The following SAMD3 variants were observed in gnomAD, a reference collection of about 807,000 sequenced individuals.
SAMD3 encodes the protein sterile alpha motif domain-containing protein 3.
SAMD3 carries 63 observed loss-of-function variants against 58.5 expected under a neutral mutation model. The observed-to-expected ratio is 1.08, with a 90% CI of 0.88 to 1.33. The LOEUF (loss-of-function observed/expected upper bound fraction) is 1.33, where lower values mean the gene tolerates loss of function less well. Ranked by LOEUF, SAMD3 falls within the 40% of genes most tolerant of loss-of-function variation. SAMD3 has a pLI of 0.00. For synonymous variants in SAMD3, 220 were observed against 210.3 expected (o/e 1.05, Z -0.40); for missense variants, 604 against 608.4 (o/e 0.99, Z 0.08).
At chr6:130,154,715 AAAAATAT>A (rs1383492036) in intron 9 of SAMD3, 103 bp downstream of exon 9, 21 of 99,366 alleles carry the variant, frequency 2.1e-4, no homozygotes, top group African/African-American at 3.0e-4. Context: ...AAAAAAAAAA[AAAAATAT>A]ATATATATAT....
intron 1 of SAMD3, among the ~76,000 whole-genome samples, chr6:130,350,380 G>T (rs575901821): frequency 2.6e-5 from 4 of 152,120 alleles, no homozygotes; most frequent in African/African-American, 7.2e-5. Context: ...AAAGTCTCAG[G>T]ATACAAAATC....
rs569606531 is a variant in SAMD3, at chr6:130,353,704, G to A, written c.-304+11416C>T. Among the ~76,000 whole-genome samples, 53 of 152,194 alleles carry A rather than the reference G, an allele frequency of 3.5e-4. No individual in the cohort carries two copies. The South Asian group carries it at 0.01, about 29-fold the overall frequency. ...CTATTTTAGGGAGCAAAGGGACAAA[G>A]GGAAGAGTAGAAGACAAATGAGACC... On this transcript the variant is annotated intron_variant, in intron 1 of 13. Coordinates refer to the SAMD3 transcript ENST00000368134.
chr6:130,145,971 TAAC>T, intron 10 of SAMD3, 36 bp downstream of exon 10: 1 of 1,247,830 alleles, frequency 8.0e-7, no homozygotes, highest in Non-Finnish European at 1.0e-6. Context: ...TTCTGATAAA[TAAC>T]AGATGAAATC....
intron 2 of SAMD3, chr6:130,215,965 G>T: frequency 2.7e-6 from 2 of 750,122 alleles, no homozygotes; most frequent in South Asian, 2.0e-5. Context: ...GAACTTTTTT[G>T]GACACTGTTA....
intron 1 of SAMD3, among the ~76,000 whole-genome samples, chr6:130,339,764 TG>T (rs2115022053): frequency 6.6e-6 from 1 of 152,340 alleles, no homozygotes; most frequent in South Asian, 2.1e-4. Context: ...AAATAGGACT[TG>T]CAAGAATTAC....
At chr6:130,176,115 A>G in intron 7 of SAMD3, 107 bp from the exon 8 acceptor site, 1 of 875,720 alleles carries the variant, frequency 1.1e-6, no homozygotes, top group East Asian at 2.5e-5. Context: ...TGGGCTTGAA[A>G]TTATTTTCAC....
intron 2 of SAMD3, among the ~76,000 whole-genome samples, chr6:130,294,604 A>T (rs1775492236): frequency 6.7e-6 from 1 of 148,540 alleles, no homozygotes; most frequent in Admixed American, 6.8e-5. Context: ...TCAAGGATTA[A>T]TTTTTATTTT....
rs1562362474 is a variant in SAMD3, at chr6:130,146,203, G to A, written c.1024-22C>T. ...ACATCTGACAAAAGAAGAAAGCAAT[G>A]GATACATCAGATCACAAGAAAAGCT... On this transcript the variant is annotated intron_variant, in intron 9 of 11. Transcript: ENST00000439090. The A allele has an allele frequency of 3.4e-6, 5 of 1,488,970 alleles. 1 individual carries two copies. Among genetic ancestry groups the A allele is most frequent in the Non-Finnish European group, 2.7e-6 (3 of 1,105,362 alleles). 92.2% of individuals were successfully genotyped at this position (1,488,970 alleles called of 1,614,324 possible).
At chr6:130,309,125 CAG>C (rs1776049440) in intron 2 of SAMD3, among the ~76,000 whole-genome samples, 2 of 152,138 alleles carry the variant, frequency 1.3e-5, no homozygotes, top group South Asian at 4.1e-4. Context: ...AGACAAGAGA[CAG>C]AGTATTTCAA....
At chr6:130,240,767 C>A (rs1305392732) in intron 2 of SAMD3, among the ~76,000 whole-genome samples, 1 of 152,160 alleles carries the variant, frequency 6.6e-6, no homozygotes, top group African/African-American at 2.4e-5. Context: ...CCCTCCCTTG[C>A]CCTTCCACCA....
intron 1 of SAMD3, among the ~76,000 whole-genome samples, chr6:130,339,282 C>T (rs1173183385): frequency 2.6e-5 from 4 of 152,050 alleles, no homozygotes; most frequent in Admixed American, 1.3e-4. Flanking sequence ...CCCCTGACCT[C>T]GTGATCCACC....
chr6:130,221,063 C>A (rs886452883), intron 1 of SAMD3, among the ~76,000 whole-genome samples: 4 of 151,872 alleles, frequency 2.6e-5, no homozygotes, highest in Non-Finnish European at 2.9e-5. Flanking sequence ...ACTGTGTTAG[C>A]CAGGATGGTC....
intron 1 of SAMD3, among the ~76,000 whole-genome samples, chr6:130,339,571 T>A (rs2115021834): frequency 6.6e-6 from 1 of 152,332 alleles, no homozygotes; most frequent in East Asian, 1.9e-4. Flanking sequence ...CTGCCATGAT[T>A]GTTAAGTTTC....
intron 2 of SAMD3, among the ~76,000 whole-genome samples, chr6:130,284,149 G>A (rs546882046): frequency 8.5e-5 from 13 of 152,212 alleles, no homozygotes; most frequent in Non-Finnish European, 1.5e-4. Flanking sequence ...CACCATGCCC[G>A]GCCTAAGAAG....
At chr6:130,185,396 T>G (rs938089864) in intron 5 of SAMD3, among the ~76,000 whole-genome samples, 1 of 152,112 alleles carries the variant, frequency 6.6e-6, no homozygotes, top group African/African-American at 2.4e-5. Context: ...TGGCACGATC[T>G]CAGCTCACTG....
chr6:130,343,117 G>A (rs1289454431), intron 1 of SAMD3, among the ~76,000 whole-genome samples: 1 of 151,142 alleles, frequency 6.6e-6, no homozygotes, highest in Non-Finnish European at 1.5e-5. Flanking sequence ...AGTATGAAGG[G>A]CAATTTCAGG....
chr6:130,204,706 C>T (rs924360318), intron 5 of SAMD3, among the ~76,000 whole-genome samples: 3 of 151,744 alleles, frequency 2.0e-5, no homozygotes, highest in African/African-American at 7.3e-5. Context: ...GGAACACACA[C>T]CTCATTTTCA....
At chr6:130,313,792 T>C (rs1043053205) in intron 1 of SAMD3, among the ~76,000 whole-genome samples, 55 of 152,210 alleles carry the variant, frequency 3.6e-4, no homozygotes, top group African/African-American at 1.3e-3. Flanking sequence ...AGGTACCTAC[T>C]ATCCCGAGAT....
At chr6:130,362,247 T>C (rs1423259525) in intron 1 of SAMD3, among the ~76,000 whole-genome samples, 1 of 152,116 alleles carries the variant, frequency 6.6e-6, no homozygotes, top group Non-Finnish European at 1.5e-5. Context: ...AGTTGCAGAG[T>C]ATGATTTAAT....
Sources: allele counts gnomAD v4.1 joint callset (sites outside exome capture counted in the v4.1 genomes callset), GRCh38; gene constraint gnomAD v4.1.1; transcripts MANE v1.5; gene names NCBI Gene and HGNC (gene_info 2026-07-23, HGNC 2026-07-21).